TRIM37: variants seen among roughly 807,000 people sequenced by gnomAD.
The protein encoded by TRIM37 is tripartite motif containing 37.
TRIM37 carries 80 observed loss-of-function variants against 129.8 expected under a neutral mutation model. The ratio of observed to expected loss-of-function variants is 0.62; its 90% CI spans 0.51 to 0.74. TRIM37 has a LOEUF of 0.74. Ranked by LOEUF, TRIM37 falls within the 30% of genes least tolerant of loss-of-function variation. The pLI is 0.00. For synonymous variants in TRIM37, 389 were observed against 387.1 expected (o/e 1.00, Z -0.06); for missense variants, 1,054 against 1,176.5 (o/e 0.90, Z 1.52).
chr17:59,042,430 TTA>T (rs1491580176), intron 16 of TRIM37, among the ~76,000 whole-genome samples: 1,487 of 90,952 alleles, frequency 0.016, 11 homozygotes, highest in African/African-American at 0.019. Flanking sequence ...AAAAAGGAAT[TTA>T]AAAAAAAAAA....
At chr17:58,993,552 A>G (rs960696857), downstream of TRIM37, among the ~76,000 whole-genome samples, 2 of 152,248 alleles carry the variant, frequency 1.3e-5, no homozygotes, top group African/African-American at 2.4e-5. Flanking sequence ...TCCCGTTTAC[A>G]TGACTCTGGA....
intron 23 of TRIM37, among the ~76,000 whole-genome samples, chr17:59,000,525 C>T (rs1221640247): frequency 6.6e-6 from 1 of 152,046 alleles, no homozygotes; most frequent in African/African-American, 2.4e-5. Flanking sequence ...TGCTTGAACC[C>T]AGGAGGCAGA....
intron 9 of TRIM37, among the ~76,000 whole-genome samples, chr17:59,065,764 A>G (rs1198637169): frequency 6.6e-6 from 1 of 152,250 alleles, no homozygotes; most frequent in African/African-American, 2.4e-5. Flanking sequence ...TATTATCAAA[A>G]CAAGATAAAA....
At chr17:58,992,272 T>C (rs1003704543) in intron 24 of TRIM37, among the ~76,000 whole-genome samples, 3 of 143,086 alleles carry the variant, frequency 2.1e-5, no homozygotes, top group Admixed American at 7.2e-5. Flanking sequence ...AATATAAATA[T>C]ATATATATTT....
In TRIM37 at chr17:58,998,963, AGAT is replaced by A; in HGVS notation, c.*411_*413del. ...ACTGTAATTAAAACCCCAAATATAA[AGAT>A]GATTATTTAAACACAACTAAGCTCT... On this transcript the variant is annotated 3_prime_UTR_variant, in exon 24 of 24. Coordinates refer to ENST00000262294, the MANE Select transcript of TRIM37 (RefSeq NM_015294.6). 1 of 1,036,186 alleles carries A rather than the reference AGAT, an allele frequency of 9.7e-7. No individual in the cohort carries two copies. The allele number at this position is 1,036,186 out of a possible 1,614,324, so 64.2% of individuals were successfully genotyped here. A position where few individuals can be genotyped will look rare whatever the true frequency, so the allele number is the denominator to read the frequency against.
At chr17:59,033,481 G>A (rs1218845904) in intron 17 of TRIM37, among the ~76,000 whole-genome samples, 1 of 152,100 alleles carries the variant, frequency 6.6e-6, no homozygotes, top group Non-Finnish European at 1.5e-5. Context: ...TGCCCAGGCT[G>A]GAGTGCAGCG....
chr17:59,085,576 T>C (rs1022915650), intron 4 of TRIM37, among the ~76,000 whole-genome samples: 2 of 152,156 alleles, frequency 1.3e-5, no homozygotes, highest in East Asian at 3.9e-4. Flanking sequence ...ACTGGAACCC[T>C]TGTGCACTAC....
At chr17:59,030,008 T>C (rs1017718449) in intron 18 of TRIM37, among the ~76,000 whole-genome samples, 6 of 152,166 alleles carry the variant, frequency 3.9e-5, no homozygotes, top group African/African-American at 1.2e-4. Context: ...ATTATGTTCC[T>C]GGCTCTCTTC....
chr17:59,099,689 C>T (rs1400729990), intron 2 of TRIM37, among the ~76,000 whole-genome samples: 3 of 152,256 alleles, frequency 2.0e-5, no homozygotes, highest in South Asian at 4.1e-4. Context: ...AATGGCTACA[C>T]GTCCCTGAGA....
In TRIM37 at chr17:59,001,699, CTG is replaced by C; in HGVS notation, c.2709_2710del (p.Asp903GlufsTer2). ...ATTCTCAGTGTCACATTCAATGTCA[CTG>C]TCGCTACTCATTCCTGGCAGGAAGG... On this transcript the variant is annotated frameshift_variant, in exon 23 of 24. Coordinates refer to ENST00000262294, the MANE Select transcript of TRIM37 (RefSeq NM_015294.6). LOFTEE classifies it high-confidence loss of function. 1 of 1,614,052 alleles carries C rather than the reference CTG, an allele frequency of 6.2e-7. No individual in the cohort carries two copies.
At chr17:59,082,002 G>A (rs992089022) in intron 5 of TRIM37, among the ~76,000 whole-genome samples, 2 of 149,196 alleles carry the variant, frequency 1.3e-5, no homozygotes, top group African/African-American at 5.0e-5. Flanking sequence ...GGGCATGGTG[G>A]CTCACGCCTG....
chr17:59,086,830 C>T (rs1056450207), intron 4 of TRIM37, among the ~76,000 whole-genome samples: 13 of 152,066 alleles, frequency 8.5e-5, no homozygotes, highest in African/African-American at 2.9e-4. Context: ...CATCAAACAG[C>T]AAGTAAGAAA....
At position 59,056,593 on chromosome 17, in the gene TRIM37, G is replaced by A. The variant is rs190248456; in HGVS notation, c.1199+282C>T. 1.9e-4 allele frequency among the ~76,000 whole-genome samples: 28 copies of A among 151,116 alleles called. No homozygotes were observed. The East Asian group carries it at 5.5e-3, about 29-fold the overall frequency. Reference sequence around the variant, plus strand: ...AAATAGTAAAAAATTAGCCAGGCGTGGTGGCGGGCGCCTGTAGTCCCAGCT... The same window carrying A: ...AAATAGTAAAAAATTAGCCAGGCGTAGTGGCGGGCGCCTGTAGTCCCAGCT... On this transcript the variant is annotated intron_variant, in intron 13 of 23. Coordinates refer to ENST00000262294, the MANE Select transcript of TRIM37 (RefSeq NM_015294.6).
chr17:59,017,471 A>C, intron 19 of TRIM37, 47 bp from the exon 20 acceptor site: 5 of 1,613,304 alleles, frequency 3.1e-6, no homozygotes, highest in African/African-American at 2.7e-5. Flanking sequence ...CTACAGCACA[A>C]AACTCACTAT....
At chr17:58,990,764 C>T (rs1382746733) in intron 24 of TRIM37, among the ~76,000 whole-genome samples, 5 of 146,730 alleles carry the variant, frequency 3.4e-5, no homozygotes, top group Admixed American at 6.8e-5. Flanking sequence ...GCACTCCAGC[C>T]TGGGCAACAG....
At chr17:59,045,660 GA>G (rs1253928782) in intron 16 of TRIM37, among the ~76,000 whole-genome samples, 2 of 149,922 alleles carry the variant, frequency 1.3e-5, no homozygotes, top group Admixed American at 1.3e-4. Context: ...AAAGAAAAAA[GA>G]AAAAAAATTA....
chr17:59,060,977 T>C, intron 12 of TRIM37, 55 bp downstream of exon 12: 3 of 1,317,764 alleles, frequency 2.3e-6, no homozygotes, highest in Non-Finnish European at 2.2e-6. Flanking sequence ...CAAAAATTGC[T>C]AGGGGGAAGG....
At chr17:59,097,773 C>G (rs1185314472) in intron 2 of TRIM37, among the ~76,000 whole-genome samples, 1 of 152,036 alleles carries the variant, frequency 6.6e-6, no homozygotes, top group Non-Finnish European at 1.5e-5. Context: ...ACGTGCAAAA[C>G]TACAATACAC....
chr17:59,088,099 A>C, intron 4 of TRIM37, 192 bp downstream of exon 4: 1 of 616,456 alleles, frequency 1.6e-6, no homozygotes, highest in South Asian at 2.0e-5. Context: ...CATGGCATGA[A>C]ATAACTGTTG....
Sources: allele counts gnomAD v4.1 joint callset (sites outside exome capture counted in the v4.1 genomes callset), GRCh38; gene constraint gnomAD v4.1.1; transcripts MANE v1.5; gene names NCBI Gene and HGNC (gene_info 2026-07-23, HGNC 2026-07-21).